The following TSPAN9 variants were observed in gnomAD, a reference collection of about 807,000 sequenced individuals.
The protein encoded by TSPAN9 is tetraspanin-9.
Under a neutral mutation model 31.0 loss-of-function variants are expected in TSPAN9, and 16 were observed. The ratio of observed to expected loss-of-function variants is 0.52; its 90% CI spans 0.35 to 0.78. TSPAN9 has a LOEUF of 0.78. TSPAN9 is among the 30% of genes least tolerant of loss of function. The pLI is 0.01. For missense variants in TSPAN9, 272 were observed against 312.5 expected (o/e 0.87, Z 0.98); for synonymous variants, 145 against 121.6 (o/e 1.19, Z -1.27).
At chr12:3,150,168 G>A (rs1205754599) in intron 2 of TSPAN9, among the ~76,000 whole-genome samples, 1 of 152,238 alleles carries the variant, frequency 6.6e-6, no homozygotes, top group East Asian at 1.9e-4. Flanking sequence ...CGTTACATTT[G>A]GCTGGACTTC....
At chr12:3,105,770 A>ACACACACACG (rs1250059529) in intron 2 of TSPAN9, among the ~76,000 whole-genome samples, 2 of 31,804 alleles carry the variant, frequency 6.3e-5, no homozygotes, top group Non-Finnish European at 1.5e-3. Flanking sequence ...ACACACGCGC[A>ACACACACACG]CGCACACACG....
intron 2 of TSPAN9, chr12:3,084,281 C>CT (rs999346692): frequency 6.6e-6 from 1 of 152,492 alleles, no homozygotes; most frequent in Admixed American, 6.5e-5. Flanking sequence ...AGACTACAGA[C>CT]CAGGCAGCCA....
intron 3 of TSPAN9, among the ~76,000 whole-genome samples, chr12:3,227,494 C>T (rs1490684854): frequency 6.6e-6 from 1 of 152,160 alleles, no homozygotes; most frequent in Non-Finnish European, 1.5e-5. Flanking sequence ...GGGGAGACTC[C>T]CCGTGGAGGG....
rs115985110 is a variant in TSPAN9, at chr12:3,226,030, G to A, written c.63+24774G>A. ...TGATACTCTGAGCCTGACTCAGGGA[G>A]AGGGGTCAGAGTTGTGGTTCTGCTG... On this transcript the variant is annotated intron_variant, in intron 3 of 8. Coordinates refer to ENST00000011898, the MANE Select transcript of TSPAN9 (RefSeq NM_006675.5). Among the ~76,000 whole-genome samples the A allele has an allele frequency of 7.4e-3, 1,128 of 152,250 alleles. 11 individuals carry two copies. The highest frequency in any genetic ancestry group is 0.026 in the African/African-American group (1,072 of 41,528).
intron 3 of TSPAN9, among the ~76,000 whole-genome samples, chr12:3,225,070 C>T (rs1016440236): frequency 6.6e-6 from 1 of 152,240 alleles, no homozygotes. Flanking sequence ...AAAGAGCTGC[C>T]ATTCTCTTTG....
Position 3,126,258 on chromosome 12 carries a change from G to A in TSPAN9, c.-18+42539G>A, listed in dbSNP as rs552139349. Among the ~76,000 whole-genome samples, 187 of 152,338 alleles carry A rather than the reference G, an allele frequency of 1.2e-3. 9 individuals are homozygous for A. In the South Asian group the frequency reaches 0.038, roughly 31 times the overall value. ...ACGTGTTGCTTCACGACTGGGCTGT[G>A]TTCTGGGAAATGCACTGTTAGGTGA... is the stretch of plus-strand genomic sequence containing the variant. On this transcript the variant is annotated intron_variant, in intron 2 of 8. Transcript: ENST00000011898.
At chr12:3,167,913 C>T (rs2098349420) in intron 2 of TSPAN9, among the ~76,000 whole-genome samples, 1 of 152,232 alleles carries the variant, frequency 6.6e-6, no homozygotes, top group Admixed American at 6.5e-5. Flanking sequence ...GGACCACCCT[C>T]CTGGGCCCAT....
intron 2 of TSPAN9, among the ~76,000 whole-genome samples, chr12:3,188,617 G>T (rs1021011155): frequency 6.6e-6 from 1 of 152,192 alleles, no homozygotes; most frequent in East Asian, 1.9e-4. Flanking sequence ...TGGCTGGGAT[G>T]TGGAAGCGCC....
chr12:3,230,958 G>C (rs1234040744), intron 3 of TSPAN9, among the ~76,000 whole-genome samples: 3 of 152,158 alleles, frequency 2.0e-5, no homozygotes, highest in Non-Finnish European at 4.4e-5. Flanking sequence ...CGGAGATAGG[G>C]TTGGGAGCTG....
chr12:3,235,735 G>T (rs1012574187), intron 3 of TSPAN9, among the ~76,000 whole-genome samples: 2 of 152,254 alleles, frequency 1.3e-5, no homozygotes, highest in African/African-American at 4.8e-5. Flanking sequence ...TTGTCCTGCA[G>T]CCAGTTTGGT....
intron 3 of TSPAN9, among the ~76,000 whole-genome samples, chr12:3,213,931 A>G (rs7965060): frequency 0.52 from 79,317 of 152,090 alleles, 20,961 homozygotes; most frequent in Admixed American, 0.61. Flanking sequence ...ACTCCTACAA[A>G]TGCAGGTGTG....
At chr12:3,166,689 C>CT (rs769260650) in intron 2 of TSPAN9, among the ~76,000 whole-genome samples, 6 of 152,244 alleles carry the variant, frequency 3.9e-5, no homozygotes, top group African/African-American at 7.2e-5. Context: ...CAGAACATTA[C>CT]TAATACCTTG....
chr12:3,175,038 C>G (rs530934078), intron 2 of TSPAN9, among the ~76,000 whole-genome samples: 1 of 152,110 alleles, frequency 6.6e-6, no homozygotes, highest in Non-Finnish European at 1.5e-5. Context: ...GGCTTTTGTC[C>G]GCAGCTCTGC....
At chr12:3,267,627 C>T (rs938492214) in intron 3 of TSPAN9, among the ~76,000 whole-genome samples, 1 of 152,196 alleles carries the variant, frequency 6.6e-6, no homozygotes, top group African/African-American at 2.4e-5. Context: ...ATGCCTTTCT[C>T]CCCAGAAGCA....
Position 3,130,797 on chromosome 12 carries a change from C to A in TSPAN9, c.-18+47078C>A, listed in dbSNP as rs574545646. On this transcript the variant is annotated intron_variant, in intron 2 of 8. Transcript: ENST00000011898. ...TGTGAGTTACTTCTATTTTTACCGG[C>A]AAACTTTATTTTTGCTGTTTTCCAG... is the stretch of plus-strand genomic sequence containing the variant. 1.2e-3 allele frequency among the ~76,000 whole-genome samples: 186 copies of A among 152,324 alleles called. 1 individual carries two copies. The highest frequency in any genetic ancestry group is 2.1e-3 in the Non-Finnish European group (143 of 68,036).
Position 3,279,021 on chromosome 12 carries a change from A to G in TSPAN9, c.285A>G (p.Leu95=). 1.9e-6 allele frequency: 3 copies of G among 1,614,104 alleles called. No homozygotes were observed. Among genetic ancestry groups the G allele is most frequent in the Non-Finnish European group, 1.7e-6 (2 of 1,180,014 alleles). ...TCATCGTCCTGTTGGTCATCCTCCT[A>G]GCAGAGCTGATCTTACTCATCCTCT... ...SFFIVLLVIL[L]AELILLILFF... Residue 95 remains leucine (L), a synonymous_variant, in exon 5 of 9, where the codon CTA becomes CTG. Transcript: ENST00000011898.
At chr12:3,144,985 C>T (rs1450075857) in intron 2 of TSPAN9, among the ~76,000 whole-genome samples, 1 of 152,238 alleles carries the variant, frequency 6.6e-6, no homozygotes, top group Non-Finnish European at 1.5e-5. Context: ...TTTAATTGGA[C>T]TTCAAATCAG....
rs1463270339 is a variant in TSPAN9 at position 3,147,049 on chromosome 12, G to A, written c.-17-54128G>A. Among the ~76,000 whole-genome samples the A allele has an allele frequency of 6.6e-6, 1 of 152,146 alleles. No homozygotes were observed. The highest frequency in any genetic ancestry group is 1.5e-5 in the Non-Finnish European group (1 of 68,022). The stretch of plus-strand genomic sequence containing the variant: ...GGGTAGATGTAAGTGAAAGTTCATT[G>A]TTGGTACCTTGATTTTAAGGTGTTT... On this transcript the variant is annotated intron_variant, in intron 2 of 8. Coordinates refer to ENST00000011898, the MANE Select transcript of TSPAN9 (RefSeq NM_006675.5). The surrounding 1 kb of genome is among the most constrained non-coding windows in gnomAD (Gnocchi z 4.3).
chr12:3,256,705 T>C (rs1421104398), intron 3 of TSPAN9, among the ~76,000 whole-genome samples: 1 of 152,144 alleles, frequency 6.6e-6, no homozygotes, highest in Non-Finnish European at 1.5e-5. Context: ...GGGTTAACTC[T>C]TTCGGGGGAC....
Sources: allele counts gnomAD v4.1 joint callset (sites outside exome capture counted in the v4.1 genomes callset), GRCh38; gene constraint gnomAD v4.1.1; non-coding constraint Gnocchi (gnomAD v3.1); transcripts MANE v1.5; gene names NCBI Gene and HGNC (gene_info 2026-07-23, HGNC 2026-07-21).